The following ARHGEF7 variants were observed in gnomAD, a reference collection of about 807,000 sequenced individuals.
ARHGEF7 encodes Rho guanine nucleotide exchange factor 7.
Under a neutral mutation model 109.8 loss-of-function variants are expected in ARHGEF7, and 33 were observed. The ratio of observed to expected loss-of-function variants is 0.30; its 90% CI spans 0.23 to 0.40. The LOEUF (loss-of-function observed/expected upper bound fraction) is 0.40. ARHGEF7 is among the 10% of genes least tolerant of loss of function. The pLI is 1.00. For synonymous variants in ARHGEF7, 458 were observed against 424.6 expected (o/e 1.08, Z -0.97); for missense variants, 938 against 1,098.5 (o/e 0.85, Z 2.07).
rs1301082587 is a variant in ARHGEF7 at position 111,272,277 on chromosome 13, A to C, written c.1074-1537A>C. Among the ~76,000 whole-genome samples the C allele has an allele frequency of 1.3e-5, 2 of 152,092 alleles. No homozygotes were observed. Among genetic ancestry groups the C allele is most frequent in the Non-Finnish European group, 2.9e-5 (2 of 68,012 alleles). ...CTCTCTGAAACTGTTAATGTTCACT[A>C]TTTGTGGACTCAGTTTCCTCTGGGT... On this transcript the variant is annotated intron_variant, in intron 9 of 21. Coordinates refer to ENST00000646102, the MANE Select transcript of ARHGEF7 (RefSeq NM_001354046.2). This position sits in a 1 kb window ranked among gnomAD's most constrained non-coding sequence, Gnocchi z 5.2.
intron 3 of ARHGEF7, among the ~76,000 whole-genome samples, chr13:111,206,732 CG>C (rs1199099255): frequency 4.0e-5 from 6 of 151,846 alleles, no homozygotes; most frequent in African/African-American, 1.2e-4. Flanking sequence ...GAGGCCGAGG[CG>C]GGCGGATCAC....
chr13:111,119,039 G>A (rs1448917351), intron 1 of ARHGEF7, among the ~76,000 whole-genome samples: 4 of 152,172 alleles, frequency 2.6e-5, no homozygotes, highest in East Asian at 1.9e-4. Flanking sequence ...TACCTGCAGG[G>A]CCTCGTGCCC....
chr13:111,115,104 C>A (rs2066646874), upstream of ARHGEF7: 1 of 148,012 alleles, frequency 6.8e-6, no homozygotes, highest in South Asian at 2.2e-4. Flanking sequence ...CCCTCCCCAT[C>A]CGCTCCCCGC....
chr13:111,196,744 AGCTG>A (rs2080554347), intron 2 of ARHGEF7, among the ~76,000 whole-genome samples: 1 of 86,206 alleles, frequency 1.2e-5, no homozygotes, highest in African/African-American at 4.5e-5. Context: ...TATGGGGGTA[AGCTG>A]AGAGGTCCTC....
chr13:111,221,217 CTA>C (rs1322772841), intron 5 of ARHGEF7, among the ~76,000 whole-genome samples: 24 of 40,066 alleles, frequency 6.0e-4, no homozygotes, highest in South Asian at 2.0e-3. Context: ...ATATATATGT[CTA>C]TATATATCTA....
chr13:111,266,767 C>T lies in ARHGEF7; in HGVS notation c.951-781C>T, dbSNP rs1230766453. On this transcript the variant is annotated intron_variant, in intron 8 of 21. Transcript: ENST00000646102. The surrounding 1 kb of genome is among the most constrained non-coding windows in gnomAD (Gnocchi z 4.8). ...GGTAATATTGTGGGTATCTGGGGAG[C>T]AAAGACACCCTGGGGTGCAGGGAAG... The T allele has an allele frequency of 2.2e-6, 1 of 454,952 alleles. No individual in the cohort carries two copies. Among genetic ancestry groups the T allele is most frequent in the Admixed American group, 2.4e-5 (1 of 42,528 alleles). 28.2% of individuals were successfully genotyped at this position (454,952 alleles called of 1,614,324 possible). A position where few individuals can be genotyped will look rare whatever the true frequency, so the allele number is the denominator to read the frequency against.
rs939485862 is a variant in ARHGEF7, at chr13:111,255,710, C to A, written c.950+11416C>A. 6.6e-6 allele frequency among the ~76,000 whole-genome samples: 1 copy of A among 152,170 alleles called. No individual in the cohort carries two copies. Among genetic ancestry groups the A allele is most frequent in the Admixed American group, 6.5e-5 (1 of 15,274 alleles). ...CATTGGTGAGGGACTTTTTTCCTCA[C>A]CCTTCCCATTTCTGCAGCTTTGTCT... On this transcript the variant is annotated intron_variant, in intron 8 of 21. Coordinates refer to ENST00000646102, the MANE Select transcript of ARHGEF7 (RefSeq NM_001354046.2). This position sits in a 1 kb window ranked among gnomAD's most constrained non-coding sequence, Gnocchi z 4.1.
At chr13:111,230,948 T>C (rs1261487103) in intron 5 of ARHGEF7, among the ~76,000 whole-genome samples, 1 of 152,264 alleles carries the variant, frequency 6.6e-6, no homozygotes, top group African/African-American at 2.4e-5. Flanking sequence ...CTTACAGTTC[T>C]TATAGTAAAT....
intron 1 of ARHGEF7, among the ~76,000 whole-genome samples, chr13:111,118,503 C>CTGGA (rs1205464584): frequency 6.6e-6 from 1 of 152,142 alleles, no homozygotes; most frequent in East Asian, 1.9e-4. Flanking sequence ...TTCTCTGTAT[C>CTGGA]TGGAGATCCT....
intron 5 of ARHGEF7, among the ~76,000 whole-genome samples, chr13:111,226,456 C>CTGAAATT (rs2085222355): frequency 6.6e-6 from 1 of 152,310 alleles, no homozygotes; most frequent in South Asian, 2.1e-4. Context: ...TTCTGAAAAT[C>CTGAAATT]CTAGTACCCT....
intron 19 of ARHGEF7, among the ~76,000 whole-genome samples, chr13:111,299,997 T>G (rs1030249197): frequency 2.6e-5 from 4 of 152,232 alleles, no homozygotes. Context: ...ATATTTTCTT[T>G]AAGAAAAGAT....
chr13:111,179,921 A>G (rs2078573726), intron 2 of ARHGEF7, among the ~76,000 whole-genome samples: 1 of 152,196 alleles, frequency 6.6e-6, no homozygotes, highest in African/African-American at 2.4e-5. Flanking sequence ...CTGGTGCCAC[A>G]GTTGGTCACT....
At chr13:111,192,281 C>G (rs965686185) in intron 2 of ARHGEF7, among the ~76,000 whole-genome samples, 1 of 152,052 alleles carries the variant, frequency 6.6e-6, no homozygotes, top group Non-Finnish European at 1.5e-5. Flanking sequence ...AGAGGATTAC[C>G]GAGTGTGGTC....
In ARHGEF7 at chr13:111,258,381, C is replaced by T. The variant is rs139506529; in HGVS notation, c.951-9167C>T. Among the ~76,000 whole-genome samples the T allele has an allele frequency of 2.9e-4, 44 of 152,368 alleles. No homozygotes were observed. In the East Asian group the frequency reaches 3.5e-3, roughly 12 times the overall value. ...CTAGAGAATAAGAGGAGAGGAAAGACGGCTTTGTCTTGCAGCTTGGATACC... is the reference window on the plus strand; with the variant it reads ...CTAGAGAATAAGAGGAGAGGAAAGATGGCTTTGTCTTGCAGCTTGGATACC... On this transcript the variant is annotated intron_variant, in intron 8 of 21. Coordinates refer to ENST00000646102, the MANE Select transcript of ARHGEF7 (RefSeq NM_001354046.2). This position sits in a 1 kb window ranked among gnomAD's most constrained non-coding sequence, Gnocchi z 4.4.
chr13:111,119,935 G>A (rs538839394), intron 1 of ARHGEF7, among the ~76,000 whole-genome samples: 7 of 152,228 alleles, frequency 4.6e-5, no homozygotes, highest in African/African-American at 9.6e-5. Context: ...ACCTGTAGCC[G>A]TCATAAAGAC....
At chr13:111,196,943 C>T (rs1445483865) in intron 2 of ARHGEF7, among the ~76,000 whole-genome samples, 1 of 152,116 alleles carries the variant, frequency 6.6e-6, no homozygotes, top group Non-Finnish European at 1.5e-5. Context: ...GGGGCCAAGC[C>T]ATAGTGCAGA....
At chr13:111,197,933 A>G (rs1485874370) in intron 2 of ARHGEF7, among the ~76,000 whole-genome samples, 1 of 152,188 alleles carries the variant, frequency 6.6e-6, no homozygotes, top group Non-Finnish European at 1.5e-5. Flanking sequence ...GGCAAGGGTC[A>G]GGATGGATAG....
rs534053711 is a variant in ARHGEF7, at chr13:111,222,853, C to T, written c.670+4973C>T. On this transcript the variant is annotated intron_variant, in intron 5 of 21. Coordinates refer to ENST00000646102, the MANE Select transcript of ARHGEF7 (RefSeq NM_001354046.2). The stretch of plus-strand genomic sequence containing the variant: ...TACATTCAGTACAGCAGACTTCCCT[C>T]TCACCTCTGGCTTTGCGTAATGTGG... 8.5e-5 allele frequency among the ~76,000 whole-genome samples: 13 copies of T among 152,376 alleles called. No homozygotes were observed. In the South Asian group the frequency reaches 1.2e-3, roughly 15 times the overall value.
At chr13:111,193,501 A>C (rs1164068676) in intron 2 of ARHGEF7, among the ~76,000 whole-genome samples, 2 of 152,234 alleles carry the variant, frequency 1.3e-5, no homozygotes, top group Non-Finnish European at 2.9e-5. Context: ...GTGGTATTTA[A>C]TGGGGGTTCC....
Sources: allele counts gnomAD v4.1 joint callset (sites outside exome capture counted in the v4.1 genomes callset), GRCh38; gene constraint gnomAD v4.1.1; non-coding constraint Gnocchi (gnomAD v3.1); transcripts MANE v1.5; gene names NCBI Gene and HGNC (gene_info 2026-07-23, HGNC 2026-07-21).